Variants in TMEM35B observed in about 807,000 individuals in gnomAD.
TMEM35B encodes the protein ZMYM6 neighbor protein.
In TMEM35B, 6 loss-of-function variants were observed where a neutral mutation model predicts 8.7. The ratio of observed to expected loss-of-function variants is 0.69; its 90% confidence interval spans 0.38 to 1.36. The LOEUF is 1.36. TMEM35B is among the 40% of genes most tolerant of loss of function. The probability of loss-of-function intolerance (pLI) is 0.02; values close to 1 mark genes in which losing one functional copy is unlikely to be tolerated. For missense variants in TMEM35B, 176 were observed against 181.6 expected, an observed-to-expected ratio of 0.97 and a Z score of 0.18; for synonymous variants, 89 against 87.0, an observed-to-expected ratio of 1.02 and a Z score of -0.13.
chr1:34,981,438 C>T (rs989899356), downstream of TMEM35B: 1 of 152,082 alleles, frequency 6.6e-6, no homozygotes. Flanking sequence ...GAGAATAACC[C>T]AAATGTTCCT....
chr1:34,983,558 G>A (rs1020103345), intron 2 of TMEM35B, among the ~76,000 whole-genome samples: 2 of 112,148 alleles, frequency 1.8e-5, no homozygotes, highest in African/African-American at 7.6e-5. Flanking sequence ...CAGCCTGGGC[G>A]AAAGAGCGAG....
In TMEM35B at chr1:34,983,643, G is replaced by A. The variant is rs903883400; in HGVS notation, c.289+124C>T. On this transcript the variant is annotated intron_variant, in intron 2 of 2. Transcript: ENST00000373337. ...TTTGAAGACCATGGAAACTGTGGTA[G>A]AGCAGAAAGTGCTCTTGATCCCAGA... 20 of 585,556 alleles carry A rather than the reference G, an allele frequency of 3.4e-5. No individual in the cohort carries two copies. The African/African-American group carries it at 4.3e-4, about 12-fold the overall frequency. 36.3% of individuals were successfully genotyped at this position (585,556 alleles called of 1,614,324 possible).
At chr1:34,984,200 T>C (rs1640538100) in intron 1 of TMEM35B, among the ~76,000 whole-genome samples, 1 of 152,182 alleles carries the variant, frequency 6.6e-6, no homozygotes, top group Non-Finnish European at 1.5e-5. Flanking sequence ...TCTCAAGAGA[T>C]TACAACCCAG....
At chr1:34,982,668 G>T (rs1326570501) in intron 2 of TMEM35B, among the ~76,000 whole-genome samples, 3 of 152,078 alleles carry the variant, frequency 2.0e-5, no homozygotes, top group South Asian at 2.1e-4. Context: ...GTAGAGACGG[G>T]GTTTCATCAT....
chr1:34,985,211 A>G lies in TMEM35B; in HGVS notation c.95T>C (p.Val32Ala), dbSNP rs1569727603. The change falls in exon 1 of 3, where the codon GTT (valine) becomes GCT (alanine). Residue 32 changes from valine to alanine, a missense_variant. Transcript: ENST00000373337. The stretch of plus-strand genomic sequence containing the variant: ...CGCGCCGCTCACCATCCGCTCCGAA[A>G]CTGGAGCCGAGATCTCCTCCGAGAG... 7.8e-6 allele frequency: 12 copies of G among 1,537,330 alleles called. No homozygotes were observed. The highest frequency in any genetic ancestry group is 9.6e-6 in the Non-Finnish European group (11 of 1,142,008).
chr1:34,984,631 A>G (rs1033331580), intron 1 of TMEM35B, among the ~76,000 whole-genome samples: 4 of 152,170 alleles, frequency 2.6e-5, no homozygotes, highest in African/African-American at 9.7e-5. Context: ...GGAACTAGAC[A>G]GAAGGCTGAA....
At chr1:34,985,063 G>C (rs1427313158) in intron 1 of TMEM35B, 135 bp downstream of exon 1, 1 of 616,406 alleles carries the variant, frequency 1.6e-6, no homozygotes, top group Non-Finnish European at 2.5e-6. Context: ...TCAGTCGAAA[G>C]CCAGGCGCTT....
At chr1:34,981,797 T>C in exon 3 of TMEM35B, 1 of 671,162 alleles carries the variant, frequency 1.5e-6, no homozygotes, top group Non-Finnish European at 2.2e-6. Flanking sequence ...GTAGTAAAGC[T>C]AAAAAGAGAA....
intron 2 of TMEM35B, among the ~76,000 whole-genome samples, chr1:34,983,093 C>T (rs956714503): frequency 6.6e-6 from 1 of 152,234 alleles, no homozygotes; most frequent in Non-Finnish European, 1.5e-5. Context: ...CTACACCAAT[C>T]TGCCAGACAC....
chr1:34,983,914 G>T, exon 2 of TMEM35B: 1 of 1,533,194 alleles, frequency 6.5e-7, no homozygotes, highest in Non-Finnish European at 8.8e-7. Flanking sequence ...ACCTTCAGCG[G>T]GAACACCTCA....
chr1:34,982,241 A>G (rs1015050287), intron 2 of TMEM35B, 122 bp from the exon 3 acceptor site: 1 of 751,030 alleles, frequency 1.3e-6, no homozygotes, highest in African/African-American at 1.8e-5. Context: ...CACCCCCACC[A>G]CTCCTAACGC....
chr1:34,983,212 G>C (rs1569724567), intron 2 of TMEM35B, among the ~76,000 whole-genome samples: 1 of 152,156 alleles, frequency 6.6e-6, no homozygotes, highest in Non-Finnish European at 1.5e-5. Flanking sequence ...GCAATACTAT[G>C]CAGCCATTAG....
intron 2 of TMEM35B, 77 bp downstream of exon 2, chr1:34,983,690 G>T: frequency 1.6e-6 from 2 of 1,279,904 alleles, no homozygotes; most frequent in Non-Finnish European, 2.0e-6. Context: ...GGTGGCAACA[G>T]TAAGGGGGAA....
chr1:34,983,827 C>T (rs1459281499), exon 2 of TMEM35B: 1 of 1,546,828 alleles, frequency 6.5e-7, no homozygotes. Context: ...GGGCCCATGA[C>T]CAGCAGCAAC....
At chr1:34,984,797 G>A (rs1194343143) in intron 1 of TMEM35B, among the ~76,000 whole-genome samples, 2 of 152,140 alleles carry the variant, frequency 1.3e-5, no homozygotes, top group African/African-American at 4.8e-5. Flanking sequence ...TCCCTGCAAA[G>A]CCAGGATTAC....
At chr1:34,981,812 G>A (rs1220701873) in exon 3 of TMEM35B, 3 of 852,388 alleles carry the variant, frequency 3.5e-6, no homozygotes, top group Admixed American at 3.7e-5. Flanking sequence ...AGAGAAAGCA[G>A]TGCCAGGTAG....
intron 1 of TMEM35B, among the ~76,000 whole-genome samples, 189 bp downstream of exon 1, chr1:34,985,009 A>G (rs1032912997): frequency 1.3e-5 from 2 of 150,146 alleles, no homozygotes; most frequent in African/African-American, 5.1e-5. Context: ...CCGTCTAGGG[A>G]AGATCCAGAG....
At position 34,983,750 on chromosome 1, in the gene TMEM35B, C is replaced by T; in HGVS notation, c.289+17G>A. 6.8e-7 allele frequency: 1 copy of T among 1,480,096 alleles called. No homozygotes were observed. The highest frequency in any genetic ancestry group is 1.4e-5 in the African/African-American group (1 of 71,056). 91.7% of individuals were successfully genotyped at this position (1,480,096 alleles called of 1,614,324 possible). On this transcript the variant is annotated intron_variant, in intron 2 of 2. Coordinates refer to ENST00000373337, the Ensembl canonical transcript of TMEM35B. ...CCCCAGAAGACCCCATTTTCTCAGGCCAGTTGGCCCCCTTACCCATCATGA... is the reference window on the plus strand; with the variant it reads ...CCCCAGAAGACCCCATTTTCTCAGGTCAGTTGGCCCCCTTACCCATCATGA...
chr1:34,983,814 G>A (rs947339412), exon 2 of TMEM35B: 16 of 1,543,228 alleles, frequency 1.0e-5, no homozygotes, highest in African/African-American at 1.4e-5. Context: ...TTGCAGCATC[G>A]GTGGGCCCAT....
Sources: allele counts gnomAD v4.1 joint callset (sites outside exome capture counted in the v4.1 genomes callset), GRCh38; gene constraint gnomAD v4.1.1; transcripts MANE v1.5; gene names NCBI Gene and HGNC (gene_info 2026-07-23, HGNC 2026-07-21).